LRRC7: variants seen among roughly 807,000 people sequenced by gnomAD.
LRRC7 encodes leucine rich repeat containing 7.
A neutral mutation model predicts 175.7 loss-of-function variants in LRRC7; 23 were observed. The ratio of observed to expected loss-of-function variants is 0.13; its 90% CI spans 0.09 to 0.19. LRRC7 has a LOEUF of 0.19. LRRC7 is among the 10% of genes least tolerant of loss of function. The pLI is 1.00. For synonymous variants in LRRC7, 685 were observed against 680.9 expected (o/e 1.01, Z -0.09); for missense variants, 1,354 against 1,904.7 (o/e 0.71, Z 5.38).
intron 7 of LRRC7, among the ~76,000 whole-genome samples, chr1:69,846,790 T>C (rs1382155218): frequency 6.6e-6 from 1 of 152,112 alleles, no homozygotes; most frequent in Non-Finnish European, 1.5e-5. Flanking sequence ...AAATTTAGTA[T>C]ACACTGGCAC....
chr1:69,922,921 A>T (rs1646937351), intron 7 of LRRC7, among the ~76,000 whole-genome samples: 1 of 151,894 alleles, frequency 6.6e-6, no homozygotes, highest in Non-Finnish European at 1.5e-5. Flanking sequence ...TTAACTCGTC[A>T]TTTAGCATTA....
chr1:70,118,579 CT>C (rs1286641659), intron 26 of LRRC7, among the ~76,000 whole-genome samples: 4 of 152,072 alleles, frequency 2.6e-5, no homozygotes, highest in Non-Finnish European at 5.9e-5. Flanking sequence ...GCTCAAATTA[CT>C]TGACATGATT....
chr1:69,679,448 C>A (rs1660201154), intron 2 of LRRC7, among the ~76,000 whole-genome samples: 1 of 152,066 alleles, frequency 6.6e-6, no homozygotes, highest in Non-Finnish European at 1.5e-5. Flanking sequence ...ATGAATTGTT[C>A]TTGTTTTGTT....
intron 7 of LRRC7, among the ~76,000 whole-genome samples, chr1:69,887,759 T>C (rs1645687652): frequency 6.8e-6 from 1 of 147,748 alleles, no homozygotes. Flanking sequence ...TTATCTACTT[T>C]TGGTCTTTGA....
intron 8 of LRRC7, among the ~76,000 whole-genome samples, chr1:69,976,286 T>C (rs1652812190): frequency 6.6e-6 from 1 of 152,186 alleles, no homozygotes. Flanking sequence ...GCTGAAGAAC[T>C]TGGAGTCCGA....
chr1:69,694,017 G>T (rs1662237933), intron 2 of LRRC7, among the ~76,000 whole-genome samples: 1 of 152,100 alleles, frequency 6.6e-6, no homozygotes, highest in Non-Finnish European at 1.5e-5. Flanking sequence ...CATTGTTCAA[G>T]CAAATCATGT....
In LRRC7 at chr1:69,594,747, T is replaced by C. The variant is rs542222560; in HGVS notation, c.2+26106T>C. Among the ~76,000 whole-genome samples, 59 of 152,308 alleles carry C rather than the reference T, an allele frequency of 3.9e-4. 1 individual carries two copies. The highest frequency in any genetic ancestry group is 1.3e-4 in the Admixed American group (2 of 15,300). ...ACTGATCTCTCTGCCACTCATATTT[T>C]TCCCCTCCAAGTCATAGTCTCTGGT... is the stretch of plus-strand genomic sequence containing the variant. On this transcript the variant is annotated intron_variant, in intron 1 of 26. Coordinates refer to ENST00000651989, the MANE Select transcript of LRRC7 (RefSeq NM_001370785.2).
At chr1:69,906,832 T>G (rs910630619) in intron 7 of LRRC7, among the ~76,000 whole-genome samples, 2 of 152,182 alleles carry the variant, frequency 1.3e-5, no homozygotes, top group African/African-American at 4.8e-5. Flanking sequence ...TGGCGTTGAA[T>G]CTATAAATTA....
chr1:69,843,316 T>A lies in LRRC7; in HGVS notation c.647+5033T>A, dbSNP rs1308637734. ...TTTAGTCATATAACCATTTCTAGTA[T>A]GTTCATTGAAGAAGATTTTTTTAAG... On this transcript the variant is annotated intron_variant, in intron 7 of 26. Transcript: ENST00000651989. 5.9e-5 allele frequency among the ~76,000 whole-genome samples: 9 copies of A among 152,238 alleles called. No homozygotes were observed. In the East Asian group the frequency reaches 1.7e-3, roughly 29 times the overall value.
At chr1:69,693,077 C>A (rs1178034529) in intron 2 of LRRC7, among the ~76,000 whole-genome samples, 3 of 152,102 alleles carry the variant, frequency 2.0e-5, no homozygotes, top group African/African-American at 7.2e-5. Flanking sequence ...TCTCGCATGC[C>A]TTCAAACTAC....
chr1:69,739,222 T>G (rs1399255261), intron 2 of LRRC7, among the ~76,000 whole-genome samples: 2 of 151,904 alleles, frequency 1.3e-5, no homozygotes, highest in Non-Finnish European at 2.9e-5. Context: ...AAATGAGAGA[T>G]AGAGGGGAGA....
chr1:69,934,724 G>C (rs1057483111), intron 8 of LRRC7, among the ~76,000 whole-genome samples: 4 of 151,158 alleles, frequency 2.6e-5, no homozygotes, highest in East Asian at 3.9e-4. Context: ...TATTATTTGG[G>C]GCCAGGTCAG....
At chr1:69,952,645 G>A (rs1035877701) in intron 8 of LRRC7, among the ~76,000 whole-genome samples, 1 of 151,872 alleles carries the variant, frequency 6.6e-6, no homozygotes. Flanking sequence ...CAGTTAATGT[G>A]GAGAAAATGA....
chr1:69,785,096 A>G (rs1434360241), intron 3 of LRRC7, among the ~76,000 whole-genome samples: 1 of 152,110 alleles, frequency 6.6e-6, no homozygotes, highest in Non-Finnish European at 1.5e-5. Context: ...GTTCTTCTAT[A>G]GCTTTTTGTA....
chr1:69,582,999 CTAAA>C (rs1387553338), intron 1 of LRRC7, among the ~76,000 whole-genome samples: 1 of 151,908 alleles, frequency 6.6e-6, no homozygotes, highest in African/African-American at 2.4e-5. Context: ...AGATATTAAT[CTAAA>C]TATCTAATAT....
intron 24 of LRRC7, 122 bp downstream of exon 24, chr1:70,076,420 A>T: frequency 1.3e-6 from 1 of 781,124 alleles, no homozygotes; most frequent in Non-Finnish European, 2.1e-6. Context: ...TGAATGGGGT[A>T]GGGCCCTCTT....
At chr1:69,985,566 C>G (rs76157815) in intron 9 of LRRC7, among the ~76,000 whole-genome samples, 9,406 of 152,234 alleles carry the variant, frequency 0.062, 284 homozygotes, top group South Asian at 0.11. Context: ...ACAACCATCA[C>G]CACAATCTAA....
intron 7 of LRRC7, among the ~76,000 whole-genome samples, chr1:69,854,862 C>A (rs377225861): frequency 1.3e-5 from 2 of 152,056 alleles, no homozygotes; most frequent in South Asian, 4.1e-4. Flanking sequence ...CTTAACTTAG[C>A]CTTTGGTTCC....
At chr1:69,916,052 T>A (rs36161673) in intron 7 of LRRC7, among the ~76,000 whole-genome samples, 107 of 4,232 alleles carry the variant, frequency 0.025, 1 homozygote, top group Non-Finnish European at 0.09. Context: ...ATATATATAT[T>A]TTATATGTAT....
Sources: allele counts gnomAD v4.1 joint callset (sites outside exome capture counted in the v4.1 genomes callset), GRCh38; gene constraint gnomAD v4.1.1; transcripts MANE v1.5; gene names NCBI Gene and HGNC (gene_info 2026-07-23, HGNC 2026-07-21).